ALG6: variants seen among roughly 807,000 people sequenced by gnomAD.
ALG6 encodes dolichyl pyrophosphate Man9GlcNAc2 alpha-1,3-glucosyltransferase.
A neutral mutation model predicts 66.6 loss-of-function variants in ALG6; 46 were observed. The ratio of observed to expected loss-of-function variants is 0.69; its 90% CI spans 0.55 to 0.88. The LOEUF is 0.88. Ranked by LOEUF, ALG6 falls within the 40% of genes least tolerant of loss-of-function variation. ALG6 has a pLI of 0.00. For missense variants in ALG6, 505 were observed against 586.8 expected (o/e 0.86, Z 1.44); for synonymous variants, 185 against 203.7 (o/e 0.91, Z 0.78).
At chr1:63,419,692 A>G (rs1644563782) in intron 12 of ALG6, among the ~76,000 whole-genome samples, 1 of 152,216 alleles carries the variant, frequency 6.6e-6, no homozygotes, top group African/African-American at 2.4e-5. Context: ...TATTTTCTAC[A>G]TGCTAATAAA....
chr1:63,423,684 A>G (rs1483542437), intron 12 of ALG6, among the ~76,000 whole-genome samples: 1 of 152,158 alleles, frequency 6.6e-6, no homozygotes, highest in Non-Finnish European at 1.5e-5. Context: ...ATTCTTTTTT[A>G]TGCCTGAATA....
In ALG6 at chr1:63,397,172, T is replaced by C. The variant is rs535042602; in HGVS notation, c.167+575T>C. Among the ~76,000 whole-genome samples the C allele has an allele frequency of 2.6e-5, 4 of 151,748 alleles. No homozygotes were observed. The East Asian group carries it at 7.7e-4, about 29-fold the overall frequency. Reference sequence around the variant, plus strand: ...AATAAAAATCTGTGGAAGGAATGAGTATTTAGGTGTTCACTTTTTCTTTTT... The same window carrying C: ...AATAAAAATCTGTGGAAGGAATGAGCATTTAGGTGTTCACTTTTTCTTTTT... On this transcript the variant is annotated intron_variant, in intron 3 of 14. Transcript: ENST00000263440.
At chr1:63,405,473 A>G (rs1243559715) in intron 5 of ALG6, among the ~76,000 whole-genome samples, 1 of 152,160 alleles carries the variant, frequency 6.6e-6, no homozygotes, top group Non-Finnish European at 1.5e-5. Context: ...TTGTATCCCT[A>G]ACATCCTACA....
chr1:63,400,285 A>ACG lies in ALG6; in HGVS notation c.168-1969_168-1968insCG, dbSNP rs1337505347. On this transcript the variant is annotated intron_variant, in intron 3 of 14. Coordinates refer to ENST00000263440, the MANE Select transcript of ALG6 (RefSeq NM_013339.4). The stretch of plus-strand genomic sequence containing the variant: ...TATATATACGTATATATATATACGT[A>ACG]TATATATATACGTATATATATGTAT... 3.6e-4 allele frequency among the ~76,000 whole-genome samples: 8 copies of ACG among 22,330 alleles called. 3 individuals are homozygous for ACG. The East Asian group carries it at 7.7e-3, about 22-fold the overall frequency. 14.6% of individuals were successfully genotyped at this position (22,330 alleles called of 152,430 possible). A position where few individuals can be genotyped will look rare whatever the true frequency, so the allele number is the denominator to read the frequency against.
At chr1:63,411,078 T>G in intron 7 of ALG6, 68 bp from the exon 8 acceptor site, 1 of 1,506,210 alleles carries the variant, frequency 6.6e-7, no homozygotes, top group Non-Finnish European at 9.2e-7. Context: ...ATCTCTTGTG[T>G]GATTTGCTTT....
At chr1:63,385,719 G>T (rs1183012558) in intron 2 of ALG6, among the ~76,000 whole-genome samples, 6 of 152,030 alleles carry the variant, frequency 3.9e-5, no homozygotes, top group Non-Finnish European at 8.8e-5. Flanking sequence ...GTTTTTTTAT[G>T]GTGTTTTAAG....
chr1:63,406,337 A>T lies in ALG6; in HGVS notation c.367A>T (p.Ile123Phe). The T allele has an allele frequency of 6.2e-7, 1 of 1,613,326 alleles. No homozygotes were observed. Among genetic ancestry groups the T allele is most frequent in the Non-Finnish European group, 8.5e-7 (1 of 1,179,510 alleles). ...TTCAGTTTTAATTGCTGATCTGCTG[A>T]TTTACATACCTGCAGTGGTTTTGTA... Reference protein sequence around the residue: ...RTTVLIADLLIYIPAVVLYCC... With the variant: ...RTTVLIADLLFYIPAVVLYCC... Residue 123 changes from isoleucine (I) to phenylalanine (F), a missense_variant, in exon 6 of 15, where the codon ATT (isoleucine) becomes TTT (phenylalanine). Transcript: ENST00000263440.
intron 7 of ALG6, among the ~76,000 whole-genome samples, chr1:63,408,315 A>C (rs1220430554): frequency 6.6e-6 from 1 of 152,142 alleles, no homozygotes; most frequent in East Asian, 1.9e-4. Flanking sequence ...TATGAGATGT[A>C]TTCATGTAGT....
Position 63,391,998 on chromosome 1 carries a change from A to T in ALG6, c.83-4515A>T, listed in dbSNP as rs143014333. On this transcript the variant is annotated intron_variant, in intron 2 of 14. Transcript: ENST00000263440. ...GCAAATGGCAACACTTGAGCTGGGGAAAGTTATTTTATTTTAATAACTTTT... is the reference window on the plus strand; with the variant it reads ...GCAAATGGCAACACTTGAGCTGGGGTAAGTTATTTTATTTTAATAACTTTT... Among the ~76,000 whole-genome samples, 525 of 152,218 alleles carry T rather than the reference A, an allele frequency of 3.4e-3. 3 individuals carry two copies. Among genetic ancestry groups the T allele is most frequent in the African/African-American group, 0.011 (465 of 41,510 alleles).
intron 14 of ALG6, among the ~76,000 whole-genome samples, chr1:63,435,569 T>A (rs1236380666): frequency 6.6e-6 from 1 of 152,156 alleles, no homozygotes; most frequent in Admixed American, 6.6e-5. Flanking sequence ...TCACTACTGT[T>A]TCTCACTGCT....
chr1:63,432,407 G>T (rs1300405948), intron 14 of ALG6, among the ~76,000 whole-genome samples: 1 of 152,056 alleles, frequency 6.6e-6, no homozygotes, highest in Non-Finnish European at 1.5e-5. Context: ...ACAGTATTCT[G>T]TTGATGATTT....
chr1:63,393,573 T>C (rs1648732698), intron 2 of ALG6, among the ~76,000 whole-genome samples: 1 of 152,230 alleles, frequency 6.6e-6, no homozygotes. Context: ...CAGATGATGC[T>C]TGAAGGTTGG....
At position 63,383,356 on chromosome 1, in the gene ALG6, G is replaced by T. The variant is rs190357855; in HGVS notation, c.82+12297G>T. 3.4e-4 allele frequency among the ~76,000 whole-genome samples: 51 copies of T among 151,968 alleles called. No homozygotes were observed. The East Asian group carries it at 9.5e-3, about 28-fold the overall frequency. On this transcript the variant is annotated intron_variant, in intron 2 of 14. Transcript: ENST00000263440. ...TCCAGGCTGGTCTTGAACTCCTGGC[G>T]ATCTGCCCACCTTGGCCTCCCAAAG...
intron 14 of ALG6, among the ~76,000 whole-genome samples, chr1:63,431,452 T>C (rs55638158): frequency 0.012 from 1,877 of 152,320 alleles, 44 homozygotes; most frequent in African/African-American, 0.043. Flanking sequence ...GGTCTCACTT[T>C]GTTGCCCAGA....
chr1:63,369,352 G>A (rs546367078), intron 1 of ALG6, among the ~76,000 whole-genome samples: 90 of 152,284 alleles, frequency 5.9e-4, no homozygotes, highest in African/African-American at 2.1e-3. Context: ...ATTAGGGCCG[G>A]GTGCAGTGGC....
At chr1:63,391,938 T>C (rs1648685616) in intron 2 of ALG6, among the ~76,000 whole-genome samples, 1 of 152,196 alleles carries the variant, frequency 6.6e-6, no homozygotes, top group Non-Finnish European at 1.5e-5. Context: ...ACAGTTCCTC[T>C]ATACTTGATC....
At chr1:63,408,903 C>T (rs910906404) in intron 7 of ALG6, among the ~76,000 whole-genome samples, 4 of 152,158 alleles carry the variant, frequency 2.6e-5, no homozygotes, top group African/African-American at 9.7e-5. Flanking sequence ...CCTCAGCCTC[C>T]TAAGTAGCTG....
chr1:63,407,183 A>G (rs1262812341), intron 7 of ALG6, 57 bp downstream of exon 7: 18 of 1,249,910 alleles, frequency 1.4e-5, no homozygotes, highest in East Asian at 2.3e-5. Context: ...TCTAGACTCA[A>G]TGTGTACATT....
At chr1:63,368,907 C>T (rs374079080) in intron 1 of ALG6, among the ~76,000 whole-genome samples, 2 of 152,130 alleles carry the variant, frequency 1.3e-5, no homozygotes, top group Admixed American at 1.3e-4. Context: ...TTCCTAACCA[C>T]TACTCAAATC....
Sources: allele counts gnomAD v4.1 joint callset (sites outside exome capture counted in the v4.1 genomes callset), GRCh38; gene constraint gnomAD v4.1.1; transcripts MANE v1.5; gene names NCBI Gene and HGNC (gene_info 2026-07-23, HGNC 2026-07-21).